Variants in C18orf63 observed in about 807,000 individuals in gnomAD.
The protein encoded by C18orf63 is uncharacterized protein C18orf63.
C18orf63 carries 50 observed loss-of-function variants against 75.3 expected under a neutral mutation model. That is an observed-to-expected ratio of 0.66 (90% CI 0.53 to 0.84). The LOEUF (loss-of-function observed/expected upper bound fraction) is 0.84. C18orf63 is among the 40% of genes least tolerant of loss of function. The pLI is 0.00. For missense variants in C18orf63, 732 were observed against 800.2 expected, an observed-to-expected ratio of 0.91 and a Z score of 1.03; for synonymous variants, 232 against 267.6, an observed-to-expected ratio of 0.87 and a Z score of 1.30.
chr18:74,354,400 C>T (rs1180940847), intron 12 of C18orf63, 57 bp from the exon 13 acceptor site: 14 of 1,239,744 alleles, frequency 1.1e-5, no homozygotes, highest in African/African-American at 6.1e-5. Context: ...TACCCTAGAG[C>T]GACTGTAAGT....
In C18orf63 at chr18:74,325,862, C is replaced by T. The variant is rs147594084; in HGVS notation, c.271-2085C>T. 1.4e-3 allele frequency among the ~76,000 whole-genome samples: 216 copies of T among 152,314 alleles called. 4 individuals carry two copies. In the East Asian group the frequency reaches 0.039, roughly 27 times the overall value. ...TCCTTGACTTTAGCTGAAGTGATAA[C>T]TCACACCATCTTTGCACTGCAAGGC... On this transcript the variant is annotated intron_variant, in intron 4 of 13. Coordinates refer to ENST00000579455, the MANE Select transcript of C18orf63 (RefSeq NM_001174123.2).
At chr18:74,332,013 A>G (rs150473361) in intron 7 of C18orf63, among the ~76,000 whole-genome samples, 1 of 152,172 alleles carries the variant, frequency 6.6e-6, no homozygotes. Flanking sequence ...TCTTGGACTG[A>G]TGAGGAACCT....
At position 74,357,410 on chromosome 18, in the gene C18orf63, T is replaced by C. The variant is rs1984786022; in HGVS notation, c.*963T>C. 1 of 152,134 alleles carries C rather than the reference T, an allele frequency of 6.6e-6. No individual in the cohort carries two copies. The highest frequency in any genetic ancestry group is 6.5e-5 in the Admixed American group (1 of 15,280). The allele number at this position is 152,134 out of a possible 1,614,324, so 9.4% of individuals were successfully genotyped here. The stretch of plus-strand genomic sequence containing the variant: ...TATTACAAATAAATTATCTAACATT[T>C]GAAAAAAAGAGAAACAGAAGTGGAG... On this transcript the variant is annotated 3_prime_UTR_variant, in exon 14 of 14. Coordinates refer to ENST00000579455, the MANE Select transcript of C18orf63 (RefSeq NM_001174123.2).
At position 74,354,482 on chromosome 18, in the gene C18orf63, T is replaced by G. The variant is rs12606060; in HGVS notation, c.2027T>G (p.Leu676Arg). ...KQILDSDKSKLKKSLIIHNA is the reference protein window; with the variant it reads ...KQILDSDKSKRKKSLIIHNA Reference sequence around the variant, plus strand: ...ATACTTGACTCGGATAAATCAAAACTTAAGAAATCTCTCATCATTCATAAT... The same window carrying G: ...ATACTTGACTCGGATAAATCAAAACGTAAGAAATCTCTCATCATTCATAAT... Residue 676 changes from leucine to arginine, a missense_variant, in exon 13 of 14, where the codon CTT (leucine) becomes CGT (arginine). Leu to Arg is a moderately radical substitution (Grantham distance 102). Coordinates refer to ENST00000579455, the MANE Select transcript of C18orf63 (RefSeq NM_001174123.2). The G allele has an allele frequency of 2.0e-6, 3 of 1,477,764 alleles. No homozygotes were observed. In the African/African-American group the frequency reaches 4.2e-5, roughly 21 times the overall value. 91.5% of individuals were successfully genotyped at this position (1,477,764 alleles called of 1,614,324 possible).
chr18:74,333,105 G>T (rs1426102670), intron 7 of C18orf63, among the ~76,000 whole-genome samples: 3 of 152,160 alleles, frequency 2.0e-5, no homozygotes, highest in Non-Finnish European at 4.4e-5. Context: ...GCATGAACTG[G>T]GATATATAGT....
At chr18:74,329,162 G>T (rs553901855) in intron 6 of C18orf63, 126 bp downstream of exon 6, 3 of 596,294 alleles carry the variant, frequency 5.0e-6, no homozygotes, top group Non-Finnish European at 9.0e-6. Context: ...GCCAAGGTAG[G>T]TAGATTGTTT....
intron 4 of C18orf63, among the ~76,000 whole-genome samples, chr18:74,323,652 T>C (rs1409963842): frequency 6.6e-6 from 1 of 152,246 alleles, no homozygotes; most frequent in Non-Finnish European, 1.5e-5. Flanking sequence ...TTAAGCAATC[T>C]CTACCATATT....
Position 74,357,498 on chromosome 18 carries a change from T to C in C18orf63, c.*1051T>C, listed in dbSNP as rs1466630784. ...TTTTATATGTTTGATATACGAAATA[T>C]TATATAATTGTTGTAATATATTTAA... On this transcript the variant is annotated 3_prime_UTR_variant, in exon 14 of 14. Coordinates refer to ENST00000579455, the MANE Select transcript of C18orf63 (RefSeq NM_001174123.2). 1.3e-5 allele frequency: 2 copies of C among 152,192 alleles called. No homozygotes were observed. Among genetic ancestry groups the C allele is most frequent in the Admixed American group, 1.3e-4 (2 of 15,274 alleles). The allele number at this position is 152,192 out of a possible 1,614,324, so 9.4% of individuals were successfully genotyped here.
At chr18:74,326,669 T>G (rs545803417) in intron 4 of C18orf63, among the ~76,000 whole-genome samples, 8 of 152,316 alleles carry the variant, frequency 5.3e-5, no homozygotes, top group Admixed American at 5.2e-4. Context: ...GGACTTATCT[T>G]GTTCATTTCC....
intron 4 of C18orf63, 63 bp downstream of exon 4, chr18:74,322,817 T>G (rs1984146708): frequency 1.3e-5 from 7 of 552,812 alleles, no homozygotes; most frequent in Non-Finnish European, 1.7e-5. Context: ...GTTCCACTCC[T>G]TTTGTCAACA....
chr18:74,343,329 AGAAGGAAT>A (rs1984518898), intron 10 of C18orf63, among the ~76,000 whole-genome samples, 182 bp from the exon 11 acceptor site: 1 of 152,190 alleles, frequency 6.6e-6, no homozygotes, highest in African/African-American at 2.4e-5. Flanking sequence ...ATGTTAGAAT[AGAAGGAAT>A]GAAGATCCCT....
chr18:74,345,189 GA>G (rs1039507856), intron 11 of C18orf63, among the ~76,000 whole-genome samples: 1 of 151,562 alleles, frequency 6.6e-6, no homozygotes, highest in African/African-American at 2.4e-5. Flanking sequence ...GATTTTTTTT[GA>G]AATGCCATTC....
intron 2 of C18orf63, among the ~76,000 whole-genome samples, chr18:74,318,790 AG>A (rs199862759): frequency 0.017 from 2,235 of 132,628 alleles, 51 homozygotes; most frequent in African/African-American, 0.049. Context: ...ACTCTGTCTC[AG>A]AAAAAAAAAA....
At chr18:74,348,215 A>G (rs765821982) in intron 11 of C18orf63, among the ~76,000 whole-genome samples, 5 of 152,138 alleles carry the variant, frequency 3.3e-5, no homozygotes, top group South Asian at 4.1e-4. Context: ...TATTTAGGCC[A>G]GTTATTTGCT....
At chr18:74,350,151 G>A (rs912132847) in intron 11 of C18orf63, among the ~76,000 whole-genome samples, 7 of 152,030 alleles carry the variant, frequency 4.6e-5, no homozygotes, top group African/African-American at 1.7e-4. Context: ...TGCTCATATG[G>A]TATCTCAACA....
chr18:74,330,973 T>C (rs1045977973), intron 7 of C18orf63, 31 bp downstream of exon 7: 50 of 852,302 alleles, frequency 5.9e-5, no homozygotes, highest in Non-Finnish European at 7.9e-5. Flanking sequence ...TATACTTTAT[T>C]ATATTTACTA....
rs1377167882 is a variant in C18orf63 at position 74,327,822 on chromosome 18, A to C, written c.271-125A>C. 8.0e-6 allele frequency: 5 copies of C among 622,456 alleles called. No homozygotes were observed. In the Admixed American group the frequency reaches 1.3e-4, roughly 16 times the overall value. The allele number at this position is 622,456 out of a possible 1,614,324, so 38.6% of individuals were successfully genotyped here. A position where few individuals can be genotyped will look rare whatever the true frequency, so the allele number is the denominator to read the frequency against. On this transcript the variant is annotated intron_variant, in intron 4 of 13. Transcript: ENST00000579455. ...TGGGATTAGCTCTAGCAATGGCTAT[A>C]AGTTTTACCTAGAACACCCGAGTTT... is the stretch of plus-strand genomic sequence containing the variant.
intron 3 of C18orf63, among the ~76,000 whole-genome samples, chr18:74,321,158 C>G (rs182566030): frequency 6.6e-6 from 1 of 152,104 alleles, no homozygotes; most frequent in Non-Finnish European, 1.5e-5. Flanking sequence ...TTCTGTTTTT[C>G]TGATATTTTA....
In C18orf63 at chr18:74,354,506, A is replaced by G. The variant is rs1274563649; in HGVS notation, c.2051A>G (p.Asn684Ser). 5 of 1,451,850 alleles carry G rather than the reference A, an allele frequency of 3.4e-6. No homozygotes were observed. In the South Asian group the frequency reaches 6.1e-5, roughly 18 times the overall value. 89.9% of individuals were successfully genotyped at this position (1,451,850 alleles called of 1,614,324 possible). Reference protein sequence around the residue: ...SKLKKSLIIHNA With the variant: ...SKLKKSLIIHSA ...CTTAAGAAATCTCTCATCATTCATA[A>G]TGCTTAGAACATGGACCTGAAAGAA... Residue 684 changes from asparagine to serine, a missense_variant, in exon 13 of 14, where the codon AAT (asparagine) becomes AGT (serine). Transcript: ENST00000579455.
Sources: gnomAD v4.1 joint callset for allele counts (sites outside exome capture counted in the v4.1 genomes callset) on GRCh38, gnomAD v4.1.1 for gene constraint, MANE v1.5 for transcripts, NCBI Gene and HGNC (gene_info 2026-07-23, HGNC 2026-07-21) for gene names.